Variants in DAB1 observed in about 807,000 individuals in gnomAD.
DAB1 encodes the protein DAB adaptor protein 1.
DAB1 carries 15 observed loss-of-function variants against 64.6 expected under a neutral mutation model. That is an observed-to-expected ratio of 0.23 (90% CI 0.16 to 0.36). The LOEUF (loss-of-function observed/expected upper bound fraction) is 0.36, where lower values mean the gene tolerates loss of function less well. Ranked by LOEUF, DAB1 falls within the 10% of genes least tolerant of loss-of-function variation. The pLI is 1.00. For synonymous variants in DAB1, 235 were observed against 251.9 expected (o/e 0.93, Z 0.64); for missense variants, 596 against 706.7 (o/e 0.84, Z 1.78).
At chr1:58,351,319 A>G (rs1306758183) in intron 3 of DAB1, among the ~76,000 whole-genome samples, 1 of 152,158 alleles carries the variant, frequency 6.6e-6, no homozygotes, top group Non-Finnish European at 1.5e-5. Flanking sequence ...CACTACTTTC[A>G]AAGAGTCAAA....
At chr1:57,509,858 C>T (rs1644387366) in intron 7 of DAB1, among the ~76,000 whole-genome samples, 1 of 152,198 alleles carries the variant, frequency 6.6e-6, no homozygotes, top group South Asian at 2.1e-4. Flanking sequence ...CCATTTAAAA[C>T]AAATGACAGA....
intron 1 of DAB1, among the ~76,000 whole-genome samples, chr1:57,877,119 T>G (rs941758599): frequency 1.3e-5 from 2 of 152,156 alleles, no homozygotes; most frequent in Non-Finnish European, 2.9e-5. Flanking sequence ...GTCACAGTGA[T>G]ACTATAAGGA....
chr1:57,739,460 C>CCCCTTT, intron 6 of DAB1, among the ~76,000 whole-genome samples: 1 of 41,896 alleles, frequency 2.4e-5, no homozygotes, highest in Non-Finnish European at 4.7e-5. Flanking sequence ...CCCTCCCCTT[C>CCCCTTT]CCTCCCCTCC....
rs769697873 is a variant in DAB1 at position 58,056,292 on chromosome 1, C to A, written n.387+94219G>T. 13 of 1,433,086 alleles carry A rather than the reference C, an allele frequency of 9.1e-6. No individual in the cohort carries two copies. In the African/African-American group the frequency reaches 1.7e-4, roughly 19 times the overall value. 88.8% of individuals were successfully genotyped at this position (1,433,086 alleles called of 1,614,324 possible). ...GTAGCTTCACATACAGCTTGGGAAG[C>A]ACATAGGCATCGAAGACGCTCGCTT... On this transcript the variant is annotated intron_variant and non_coding_transcript_variant, in intron 5 of 20. Transcript: ENST00000485760.
intron 1 of DAB1, among the ~76,000 whole-genome samples, chr1:57,394,728 T>C (rs1199937100): frequency 6.6e-6 from 1 of 152,214 alleles, no homozygotes; most frequent in Non-Finnish European, 1.5e-5. Context: ...AATTTTTAAA[T>C]GTCAAACATA....
intron 6 of DAB1, among the ~76,000 whole-genome samples, chr1:57,657,663 T>A (rs958735186): frequency 1.3e-5 from 2 of 152,214 alleles, no homozygotes; most frequent in Admixed American, 6.5e-5. Context: ...GATGAAATTA[T>A]TCTAACTTCA....
At chr1:57,567,699 C>T (rs1052231907) in intron 7 of DAB1, among the ~76,000 whole-genome samples, 2 of 152,186 alleles carry the variant, frequency 1.3e-5, no homozygotes, top group South Asian at 4.2e-4. Flanking sequence ...GAATAAAACA[C>T]CAAGGAATCC....
chr1:57,252,606 GACAA>G (rs1483476695), intron 2 of DAB1, among the ~76,000 whole-genome samples: 1 of 152,118 alleles, frequency 6.6e-6, no homozygotes, highest in Non-Finnish European at 1.5e-5. Flanking sequence ...GTTCTAGTTG[GACAA>G]ACAGAGAAAT....
intron 5 of DAB1, among the ~76,000 whole-genome samples, chr1:57,907,876 TAC>T (rs1557549222): frequency 6.9e-6 from 1 of 144,928 alleles, no homozygotes; most frequent in Non-Finnish European, 1.5e-5. Flanking sequence ...TATATATATA[TAC>T]ACATACACAT....
Position 57,011,181 on chromosome 1 carries a change from G to A in DAB1, c.1536C>T (p.Gly512=), listed in dbSNP as rs769352501. 6.2e-7 allele frequency: 1 copy of A among 1,614,048 alleles called. No individual in the cohort carries two copies. Among genetic ancestry groups the A allele is most frequent in the Non-Finnish European group, 8.5e-7 (1 of 1,179,926 alleles). The change falls in exon 13 of 15, where the codon GGC becomes GGT. Residue 512 remains glycine, a synonymous_variant. Coordinates refer to ENST00000371236, the MANE Select transcript of DAB1 (RefSeq NM_001365792.1). ...CTTCGCTTTTGCTGGGACTTTCAAA[G>A]CCCTCTTCAAAGATGTCATCTGTGG... is the stretch of plus-strand genomic sequence containing the variant. ...DPTTDDIFEE[G]FESPSKSEEQ... is the part of the protein sequence containing the mutation.
intron 4 of DAB1, among the ~76,000 whole-genome samples, chr1:58,251,362 A>C (rs947777950): frequency 6.6e-6 from 1 of 152,252 alleles, no homozygotes; most frequent in Non-Finnish European, 1.5e-5. Flanking sequence ...AGTAAGACGG[A>C]AAATAAACAA....
rs539878891 is a variant in DAB1 at position 57,219,600 on chromosome 1, A to G, written c.67+71364T>C. Among the ~76,000 whole-genome samples the G allele has an allele frequency of 1.2e-4, 19 of 152,288 alleles. 1 individual carries two copies. Among genetic ancestry groups the G allele is most frequent in the African/African-American group, 3.9e-4 (16 of 41,542 alleles). On this transcript the variant is annotated intron_variant, in intron 2 of 14. Coordinates refer to ENST00000371236, the MANE Select transcript of DAB1 (RefSeq NM_001365792.1). ...TCACCTCCAGGATTACATAAATTAT[A>G]TAAGACTCCATTTTAGCAGACTGCA...
At chr1:57,985,157 C>T (rs2100355271) in intron 5 of DAB1, among the ~76,000 whole-genome samples, 1 of 152,314 alleles carries the variant, frequency 6.6e-6, no homozygotes, top group East Asian at 1.9e-4. Flanking sequence ...ATCCACCCGC[C>T]TTGGCCTCCC....
chr1:57,209,049 A>C (rs1665810759), intron 2 of DAB1, among the ~76,000 whole-genome samples: 1 of 152,244 alleles, frequency 6.6e-6, no homozygotes, highest in Non-Finnish European at 1.5e-5. Context: ...TGCAGATGGC[A>C]TGTCAGATTC....
chr1:57,557,470 G>A (rs890049886), intron 7 of DAB1, among the ~76,000 whole-genome samples: 2 of 150,944 alleles, frequency 1.3e-5, no homozygotes, highest in Non-Finnish European at 3.0e-5. Context: ...ATGTGTGTGT[G>A]TATATATATA....
intron 2 of DAB1, among the ~76,000 whole-genome samples, chr1:57,189,070 C>T (rs1257502968): frequency 6.6e-6 from 1 of 152,104 alleles, no homozygotes; most frequent in Non-Finnish European, 1.5e-5. Context: ...TTGACATTGC[C>T]TTAGTCAACA....
intron 4 of DAB1, among the ~76,000 whole-genome samples, chr1:57,088,949 G>A (rs1470066607): frequency 2.6e-5 from 4 of 152,268 alleles, no homozygotes; most frequent in East Asian, 1.9e-4. Flanking sequence ...CTAGAGGACC[G>A]GAACGGTGAA....
chr1:57,663,227 A>G (rs1646407634), intron 6 of DAB1, among the ~76,000 whole-genome samples: 3 of 152,174 alleles, frequency 2.0e-5, no homozygotes, highest in African/African-American at 7.2e-5. Context: ...TCAAATAACC[A>G]GATCTCAGGC....
At chr1:58,381,034 T>A (rs576397856) in intron 3 of DAB1, among the ~76,000 whole-genome samples, 1 of 152,286 alleles carries the variant, frequency 6.6e-6, no homozygotes, top group African/African-American at 2.4e-5. Flanking sequence ...ATCAGCAAAC[T>A]AATGCAGGAA....
Sources: gnomAD v4.1 joint callset for allele counts (sites outside exome capture counted in the v4.1 genomes callset) on GRCh38, gnomAD v4.1.1 for gene constraint, MANE v1.5 for transcripts, NCBI Gene and HGNC (gene_info 2026-07-23, HGNC 2026-07-21) for gene names.